COL5A1: variants seen among roughly 807,000 people sequenced by gnomAD.
The protein encoded by COL5A1 is collagen type V alpha 1 chain, also known as collagen alpha-1(V) chain.
In COL5A1, 16 loss-of-function variants were observed where a neutral mutation model predicts 263.7. The observed-to-expected ratio is 0.06, with a 90% CI of 0.04 to 0.09. The LOEUF (loss-of-function observed/expected upper bound fraction) is 0.09. Ranked by LOEUF, COL5A1 falls within the 10% of genes least tolerant of loss-of-function variation. The pLI is 1.00. For missense variants in COL5A1, 2,036 were observed against 2,540.5 expected (o/e 0.80, Z 4.27); for synonymous variants, 1,012 against 1,004.5 (o/e 1.01, Z -0.14).
At chr9:134,666,072 G>A (rs1274506920) in intron 1 of COL5A1, among the ~76,000 whole-genome samples, 1 of 152,138 alleles carries the variant, frequency 6.6e-6, no homozygotes, top group Non-Finnish European at 1.5e-5. Context: ...GGGTGACAGA[G>A]CGAGACTCCA....
In COL5A1 at chr9:134,691,000, A is replaced by G. The variant is rs1463204835; in HGVS notation, c.198A>G (p.Arg66=). ...CAACAGGCTTTTGCGCCACGCGGCG[A>G]TCTTCCAAAGGCCCGGATGTCGCTT... ...TKTTGFCATR[R]SSKGPDVAYR... Residue 66 remains arginine, a synonymous_variant, in exon 2 of 66, where the codon CGA becomes CGG. Transcript: ENST00000371817. The G allele has an allele frequency of 1.2e-6, 2 of 1,613,804 alleles. No individual in the cohort carries two copies. Among genetic ancestry groups the G allele is most frequent in the Middle Eastern group, 1.7e-4 (1 of 6,060 alleles).
Position 134,819,110 on chromosome 9 carries a change from C to T in COL5A1, c.4446+57C>T, listed in dbSNP as rs138002681. On this transcript the variant is annotated intron_variant, in intron 57 of 65. Coordinates refer to ENST00000371817, the MANE Select transcript of COL5A1 (RefSeq NM_000093.5). ...GACTCGGGGCCTTCAAATTTGTGGCCGTGGGTCTCAAACTCAACAAGCTCT... is the reference window on the plus strand; with the variant it reads ...GACTCGGGGCCTTCAAATTTGTGGCTGTGGGTCTCAAACTCAACAAGCTCT... The T allele has an allele frequency of 1.8e-4, 281 of 1,571,148 alleles. 4 individuals carry two copies. The African/African-American group carries it at 2.9e-3, about 16-fold the overall frequency.
At chr9:134,774,944 C>T in intron 27 of COL5A1, 32 bp downstream of exon 27, 5 of 1,606,774 alleles carry the variant, frequency 3.1e-6, no homozygotes. Context: ...CCAGGTCGTC[C>T]TGGAGGTCAG....
chr9:134,770,737 T>C (rs1260331826), intron 25 of COL5A1, among the ~76,000 whole-genome samples: 2 of 152,218 alleles, frequency 1.3e-5, no homozygotes, highest in East Asian at 1.9e-4. Context: ...GTAAGCTTTA[T>C]TATTTTCCCA....
rs1258291067 is a variant in COL5A1, at chr9:134,782,240, G to A, written c.2431-427G>A. ...TACTGCAGTGCCGGCAAGAGCAGGC[G>A]TTAGGGATTCTTTGCAGGGGCATTT... On this transcript the variant is annotated intron_variant, in intron 28 of 65. Coordinates refer to ENST00000371817, the MANE Select transcript of COL5A1 (RefSeq NM_000093.5). Among the ~76,000 whole-genome samples the A allele has an allele frequency of 2.6e-5, 4 of 152,308 alleles. No homozygotes were observed. In the East Asian group the frequency reaches 5.8e-4, roughly 22 times the overall value.
chr9:134,792,436 T>A (rs559138653), intron 32 of COL5A1, among the ~76,000 whole-genome samples: 145 of 152,232 alleles, frequency 9.5e-4, no homozygotes, highest in African/African-American at 3.2e-3. Context: ...AATGCAGTGG[T>A]GCGATCTCAG....
intron 46 of COL5A1, among the ~76,000 whole-genome samples, chr9:134,811,988 T>C (rs547986782): frequency 5.9e-5 from 9 of 152,356 alleles, no homozygotes; most frequent in Admixed American, 2.6e-4. Context: ...TGTTTGACAA[T>C]GAATCATGTC....
In COL5A1 at chr9:134,774,881, C is replaced by T. The variant is rs760539229; in HGVS notation, c.2354C>T (p.Pro785Leu). 4.0e-5 allele frequency: 64 copies of T among 1,613,858 alleles called. No homozygotes were observed. Among genetic ancestry groups the T allele is most frequent in the South Asian group, 6.6e-5 (6 of 90,964 alleles). The change falls in exon 27 of 66, where the codon CCG becomes CTG. Residue 785 changes from proline to leucine, a missense_variant. Pro to Leu is a moderately conservative substitution (Grantham distance 98). Around this residue, in one of 3 missense-constraint regions of COL5A1, gnomAD observed 1,078 missense variants for 1,521.4 expected, o/e 0.71. Coordinates refer to ENST00000371817, the MANE Select transcript of COL5A1 (RefSeq NM_000093.5). ...TAGGGTCCACCTGGCCCCCAGGGTC[C>T]GATTGGCTACCCAGGTCCTCGAGGA... ...GGQGPPGPQG[P>L]IGYPGPRGVK...
In COL5A1 at chr9:134,785,099, TTG is replaced by T. The variant is rs1837408060; in HGVS notation, c.2592+6_2592+7del. On this transcript the variant is annotated splice_donor_5th_base_variant and intron_variant, in intron 30 of 65. Coordinates refer to ENST00000371817, the MANE Select transcript of COL5A1 (RefSeq NM_000093.5). ...CTCTGGGACCCCCTGGGGAGAAGGTTTGTGATGTGGGACGTTCAGCCACTTTC... is the reference window on the plus strand; with the variant it reads ...CTCTGGGACCCCCTGGGGAGAAGGTTTGATGTGGGACGTTCAGCCACTTTC... The T allele has an allele frequency of 6.2e-7, 1 of 1,609,788 alleles. No homozygotes were observed. The highest frequency in any genetic ancestry group is 1.7e-5 in the Admixed American group (1 of 59,976).
chr9:134,765,586 C>T lies in COL5A1; in HGVS notation c.2035-95C>T, dbSNP rs771227959. On this transcript the variant is annotated intron_variant, in intron 20 of 65. Transcript: ENST00000371817. The surrounding 1 kb of genome is among the most constrained non-coding windows in gnomAD (Gnocchi z 5.1). ...GAGGCCTGAGTCACCAGCTGGGGTTCTGGGTGGAGTCAGGGCCAAGTGGGC... is the reference window on the plus strand; with the variant it reads ...GAGGCCTGAGTCACCAGCTGGGGTTTTGGGTGGAGTCAGGGCCAAGTGGGC... 1.2e-3 allele frequency: 1,398 copies of T among 1,128,766 alleles called. 1 individual carries two copies. The highest frequency in any genetic ancestry group is 1.8e-3 in the Non-Finnish European group (1,333 of 744,804). The allele number at this position is 1,128,766 out of a possible 1,614,324, so 69.9% of individuals were successfully genotyped here.
chr9:134,705,033 C>T (rs1167352794), intron 4 of COL5A1, among the ~76,000 whole-genome samples: 1 of 152,188 alleles, frequency 6.6e-6, no homozygotes. Flanking sequence ...CCTCCAGCAG[C>T]CCCAATCTTC....
chr9:134,782,703 G>A lies in COL5A1; in HGVS notation c.2467G>A (p.Gly823Ser). ...CTTTCCTGGGTTTAAAGGAGACATG[G>A]GCATCAAGGGTGATCGGGTGAGCAT... The part of the protein sequence containing the change: ...DGFPGFKGDM[G>S]IKGDRGEIGP... The change falls in exon 29 of 66, where the codon GGC becomes AGC. Residue 823 changes from glycine to serine, a missense_variant. By Grantham distance (56) the Gly-to-Ser change is moderately conservative (BLOSUM62 0). Around this residue, in one of 3 missense-constraint regions of COL5A1, gnomAD observed 1,078 missense variants for 1,521.4 expected, o/e 0.71. Coordinates refer to ENST00000371817, the MANE Select transcript of COL5A1 (RefSeq NM_000093.5). The A allele has an allele frequency of 6.2e-7, 1 of 1,614,058 alleles. No individual in the cohort carries two copies. Among genetic ancestry groups the A allele is most frequent in the Non-Finnish European group, 8.5e-7 (1 of 1,180,000 alleles).
chr9:134,718,657 C>T lies in COL5A1; in HGVS notation c.655-8609C>T, dbSNP rs139954458. 1.6e-3 allele frequency among the ~76,000 whole-genome samples: 247 copies of T among 152,296 alleles called. 1 individual carries two copies. Among genetic ancestry groups the T allele is most frequent in the African/African-American group, 5.5e-3 (230 of 41,558 alleles). ...GTTTTGGGAACTGGGAGCCCACGGC[C>T]GTTCTGTGTGCAGGATGTGTGACTT... On this transcript the variant is annotated intron_variant, in intron 4 of 65. Coordinates refer to ENST00000371817, the MANE Select transcript of COL5A1 (RefSeq NM_000093.5).
At position 134,652,928 on chromosome 9, in the gene COL5A1, C is replaced by T. The variant is rs760970665; in HGVS notation, c.109+10632C>T. ...TAACGAAGTCAGTTCCCAGACCACG[C>T]GGATGCTGGAGCGTCTGGGGGTGCC... is the stretch of plus-strand genomic sequence containing the variant. On this transcript the variant is annotated intron_variant, in intron 1 of 65. Coordinates refer to ENST00000371817, the MANE Select transcript of COL5A1 (RefSeq NM_000093.5). This position sits in a 1 kb window ranked among gnomAD's most constrained non-coding sequence, Gnocchi z 4.4. 4 of 324,642 alleles carry T rather than the reference C, an allele frequency of 1.2e-5. No homozygotes were observed. The highest frequency in any genetic ancestry group is 4.1e-5 in the Admixed American group (1 of 24,678). 20.1% of individuals were successfully genotyped at this position (324,642 alleles called of 1,614,324 possible). A position where few individuals can be genotyped will look rare whatever the true frequency, so the allele number is the denominator to read the frequency against.
At position 134,818,381 on chromosome 9, in the gene COL5A1, T is replaced by A. The variant is rs1838849687; in HGVS notation, c.4231-275T>A. 6.6e-6 allele frequency among the ~76,000 whole-genome samples: 1 copy of A among 152,112 alleles called. No homozygotes were observed. Among genetic ancestry groups the A allele is most frequent in the East Asian group, 1.9e-4 (1 of 5,174 alleles). On this transcript the variant is annotated intron_variant, in intron 54 of 65. Transcript: ENST00000371817. The surrounding 1 kb of genome is among the most constrained non-coding windows in gnomAD (Gnocchi z 6.0). Reference sequence around the variant, plus strand: ...TTAAGGAGACGGGAGGTTGTGCGGTTCCATCCCTGCTCGGGCAGTGGCGCT... The same window carrying A: ...TTAAGGAGACGGGAGGTTGTGCGGTACCATCCCTGCTCGGGCAGTGGCGCT...
intron 37 of COL5A1, among the ~76,000 whole-genome samples, chr9:134,801,155 G>A (rs747602693): frequency 5.9e-5 from 9 of 152,356 alleles, no homozygotes; most frequent in Admixed American, 4.6e-4. Flanking sequence ...CATGCAGAGC[G>A]GGCGTGAGAT....
chr9:134,648,827 C>T (rs1831564740), intron 1 of COL5A1, among the ~76,000 whole-genome samples: 2 of 152,180 alleles, frequency 1.3e-5, no homozygotes, highest in South Asian at 2.1e-4. Flanking sequence ...GCTCGCTGCT[C>T]GCTGCCTCTG....
chr9:134,668,097 G>A (rs1832413870), intron 1 of COL5A1, among the ~76,000 whole-genome samples: 1 of 152,214 alleles, frequency 6.6e-6, no homozygotes, highest in Non-Finnish European at 1.5e-5. Context: ...AAGGTGAAGT[G>A]TGGTCCCTGC....
intron 4 of COL5A1, chr9:134,709,204 A>C: frequency 2.9e-6 from 1 of 349,924 alleles, no homozygotes; most frequent in Non-Finnish European, 5.6e-6. Context: ...TCGTCTCTTA[A>C]ATTGCCACAG....
Sources: allele counts gnomAD v4.1 joint callset (sites outside exome capture counted in the v4.1 genomes callset), GRCh38; gene constraint gnomAD v4.1.1; regional missense constraint gnomAD v4.1.1; non-coding constraint Gnocchi (gnomAD v3.1); transcripts MANE v1.5; gene names NCBI Gene and HGNC (gene_info 2026-07-23, HGNC 2026-07-21).